FAM228B: variants seen among roughly 807,000 people sequenced by gnomAD.
The protein encoded by FAM228B is family with sequence similarity 228 member B, also known as protein FAM228B.
In FAM228B, 38 loss-of-function variants were observed where a neutral mutation model predicts 42.6. The observed-to-expected ratio is 0.89, with a 90% CI of 0.69 to 1.17. The LOEUF (loss-of-function observed/expected upper bound fraction) is 1.17. Among genes scored for constraint, FAM228B ranks in the 50% most tolerant of loss-of-function variants. FAM228B has a pLI of 0.00. For synonymous variants in FAM228B, 109 were observed against 122.3 expected, an observed-to-expected ratio of 0.89 and a Z score of 0.72; for missense variants, 344 against 367.3, an observed-to-expected ratio of 0.94 and a Z score of 0.52.
At chr2:24,141,852 C>G (rs575749641) in intron 5 of FAM228B, among the ~76,000 whole-genome samples, 8 of 152,210 alleles carry the variant, frequency 5.3e-5, no homozygotes, top group South Asian at 2.1e-4. Flanking sequence ...TTGTGTCATC[C>G]TACAAAGTGG....
At chr2:24,122,207 C>T (rs2151009496), upstream of FAM228B, among the ~76,000 whole-genome samples, 1 of 152,066 alleles carries the variant, frequency 6.6e-6, no homozygotes, top group South Asian at 2.1e-4. Flanking sequence ...TAGCGCACTC[C>T]TGTAATCCCA....
At chr2:24,136,448 T>A (rs1666591044) in intron 3 of FAM228B, among the ~76,000 whole-genome samples, 1 of 152,202 alleles carries the variant, frequency 6.6e-6, no homozygotes, top group Non-Finnish European at 1.5e-5. Context: ...GGTCTCACAC[T>A]CCTTACTTCA....
Position 24,169,338 on chromosome 2 carries a change from T to A in FAM228B, c.*15-18T>A, listed in dbSNP as rs1203291463. 2 of 466,540 alleles carry A rather than the reference T, an allele frequency of 4.3e-6. No individual in the cohort carries two copies. The highest frequency in any genetic ancestry group is 4.0e-5 in the African/African-American group (2 of 50,002). The allele number at this position is 466,540 out of a possible 1,614,324, so 28.9% of individuals were successfully genotyped here. A position where few individuals can be genotyped will look rare whatever the true frequency, so the allele number is the denominator to read the frequency against. On this transcript the variant is annotated intron_variant, in intron 10 of 10. Transcript: ENST00000615575. The surrounding 1 kb of genome is among the most constrained non-coding windows in gnomAD (Gnocchi z 4.2). ...CCCCATACCACACTCAACTCTTCCCTTTTGTCACCTTCAAAAGGTTTCAGC... is the reference window on the plus strand; with the variant it reads ...CCCCATACCACACTCAACTCTTCCCATTTGTCACCTTCAAAAGGTTTCAGC...
chr2:24,088,238 G>A (rs1558365931), intron 2 of FAM228B, among the ~76,000 whole-genome samples: 1 of 152,040 alleles, frequency 6.6e-6, no homozygotes, highest in Non-Finnish European at 1.5e-5. Context: ...CATCCACCAT[G>A]GGAAGATGGT....
intron 1 of FAM228B, chr2:24,079,370 C>T (rs969986630): frequency 6.6e-7 from 1 of 1,511,116 alleles, no homozygotes; most frequent in African/African-American, 1.4e-5. Context: ...GTAGAGCTTC[C>T]TTTCTCGGGG....
rs900869337 is a variant in FAM228B at position 24,111,067 on chromosome 2, C to CT, written c.-121+15849dup. On this transcript the variant is annotated intron_variant, in intron 3 of 10. Coordinates refer to the FAM228B transcript ENST00000613899. ...CTCTTATCTGAGCTTCCTGGCTGATCTTTTTTTTTTTGAAACAGAGTCTCG... is the reference window on the plus strand; with the variant it reads ...CTCTTATCTGAGCTTCCTGGCTGATCTTTTTTTTTTTTGAAACAGAGTCTCG... 8.2e-3 allele frequency among the ~76,000 whole-genome samples: 1,211 copies of CT among 147,810 alleles called. 5 individuals carry two copies. Among genetic ancestry groups the CT allele is most frequent in the African/African-American group, 0.027 (1,108 of 40,496 alleles).
At chr2:24,157,279 A>T (rs1381073709) in intron 7 of FAM228B, among the ~76,000 whole-genome samples, 1 of 152,124 alleles carries the variant, frequency 6.6e-6, no homozygotes, top group Non-Finnish European at 1.5e-5. Context: ...TTATGTGCTG[A>T]TGAATAGAAT....
chr2:24,084,609 C>A lies in FAM228B; in HGVS notation c.-210+3654C>A. The A allele has an allele frequency of 2.6e-6, 1 of 384,216 alleles. No homozygotes were observed. Among genetic ancestry groups the A allele is most frequent in the Non-Finnish European group, 4.7e-6 (1 of 214,054 alleles). 23.8% of individuals were successfully genotyped at this position (384,216 alleles called of 1,614,324 possible). ...ATGGGAACGGCGGGAAGTGGGATGG[C>A]GGTACAGGGCTGGATGCGGCAGAGC... On this transcript the variant is annotated intron_variant, in intron 2 of 10. Transcript: ENST00000613899. This position sits in a 1 kb window ranked among gnomAD's most constrained non-coding sequence, Gnocchi z 8.4.
upstream of FAM228B, chr2:24,121,202 T>A (rs142176262): frequency 1.5e-5 from 25 of 1,614,072 alleles, no homozygotes; most frequent in Non-Finnish European, 2.0e-5. Flanking sequence ...CCCGGACACA[T>A]CTGTAATCTT....
intron 3 of FAM228B, among the ~76,000 whole-genome samples, chr2:24,109,794 C>T (rs1235641086): frequency 6.6e-6 from 1 of 152,020 alleles, no homozygotes; most frequent in East Asian, 1.9e-4. Flanking sequence ...TAGATGTTGG[C>T]GAGGTTGTGG....
intron 1 of FAM228B, 26 bp from the exon 2 acceptor site, chr2:24,124,304 T>G (rs1666243356): frequency 8.7e-7 from 1 of 1,147,692 alleles, no homozygotes; most frequent in Non-Finnish European, 1.3e-6. Flanking sequence ...TGTGAAATGT[T>G]CAATACTAAA....
At position 24,084,459 on chromosome 2, in the gene FAM228B, GCACC is replaced by G; in HGVS notation, c.-210+3505_-210+3508del. On this transcript the variant is annotated intron_variant, in intron 2 of 10. Coordinates refer to the FAM228B transcript ENST00000613899. This position sits in a 1 kb window ranked among gnomAD's most constrained non-coding sequence, Gnocchi z 8.4. ...CGCGGAGCAGCCCAGCCTCAGGCTG[GCACC>G]GCAGCGCCCCCTGCCGGCCAGCGCC... 2 of 1,161,482 alleles carry G rather than the reference GCACC, an allele frequency of 1.7e-6. No individual in the cohort carries two copies. The highest frequency in any genetic ancestry group is 2.3e-6 in the Non-Finnish European group (2 of 877,616). The allele number at this position is 1,161,482 out of a possible 1,614,324, so 71.9% of individuals were successfully genotyped here. A position where few individuals can be genotyped will look rare whatever the true frequency, so the allele number is the denominator to read the frequency against.
chr2:24,148,597 G>T (rs574589109), intron 7 of FAM228B, among the ~76,000 whole-genome samples: 1 of 151,700 alleles, frequency 6.6e-6, no homozygotes, highest in African/African-American at 2.4e-5. Flanking sequence ...ATTTTTGTAG[G>T]TACATAGTAG....
chr2:24,167,595 C>G, intron 9 of FAM228B, 32 bp from the exon 10 acceptor site: 2 of 1,551,166 alleles, frequency 1.3e-6, no homozygotes, highest in Non-Finnish European at 1.7e-6. Flanking sequence ...TCTCGTATAA[C>G]ATAATGACCA....
intron 5 of FAM228B, among the ~76,000 whole-genome samples, chr2:24,143,329 C>A (rs534748923): frequency 2.3e-5 from 3 of 128,914 alleles, no homozygotes. Context: ...TACAGGCGCC[C>A]GCCACCACGC....
At chr2:24,100,607 G>GA (rs978751147) in intron 3 of FAM228B, among the ~76,000 whole-genome samples, 10 of 152,160 alleles carry the variant, frequency 6.6e-5, no homozygotes, top group Admixed American at 2.0e-4. Context: ...AAAAAGTCAG[G>GA]AAACAACAGA....
upstream of FAM228B, among the ~76,000 whole-genome samples, chr2:24,119,196 C>T (rs1666020128): frequency 6.6e-6 from 1 of 152,096 alleles, no homozygotes; most frequent in South Asian, 2.1e-4. Context: ...TATCCTGCCC[C>T]ACCTACATAG....
intron 3 of FAM228B, among the ~76,000 whole-genome samples, chr2:24,135,612 A>C (rs567088328): frequency 1.3e-3 from 203 of 152,324 alleles, no homozygotes; most frequent in African/African-American, 4.7e-3. Context: ...GGGACACTGG[A>C]GTGGGTAACC....
chr2:24,112,444 G>A (rs968952601), intron 3 of FAM228B, among the ~76,000 whole-genome samples: 1 of 151,964 alleles, frequency 6.6e-6, no homozygotes, highest in East Asian at 1.9e-4. Context: ...AGGATTACAG[G>A]CACCTGCTAT....
Sources: gnomAD v4.1 joint callset for allele counts (sites outside exome capture counted in the v4.1 genomes callset) on GRCh38, gnomAD v4.1.1 for gene constraint, Gnocchi (gnomAD v3.1) non-coding constraint, MANE v1.5 for transcripts, NCBI Gene and HGNC (gene_info 2026-07-23, HGNC 2026-07-21) for gene names.